Variants in METAP1D observed in about 807,000 individuals in gnomAD.
The protein encoded by METAP1D is methionine aminopeptidase 1D, mitochondrial.
METAP1D carries 31 observed loss-of-function variants against 40.5 expected under a neutral mutation model. The observed-to-expected ratio is 0.77, with a 90% CI of 0.58 to 1.03. The LOEUF (loss-of-function observed/expected upper bound fraction) is 1.03. METAP1D is among the 50% of genes least tolerant of loss of function. The pLI is 0.00. For synonymous variants in METAP1D, 151 were observed against 146.4 expected, an observed-to-expected ratio of 1.03 and a Z score of -0.22; for missense variants, 411 against 420.7, an observed-to-expected ratio of 0.98 and a Z score of 0.20.
chr2:172,080,752 A>G lies in METAP1D; in HGVS notation c.*346A>G. On this transcript the variant is annotated 3_prime_UTR_variant, in exon 10 of 10. Coordinates refer to ENST00000315796, the MANE Select transcript of METAP1D (RefSeq NM_199227.3). ...CTTGCCCTGACTGTTGGAGTAAAAA[A>G]CCTCTTAAATCCATTGTATCAGAGG... The G allele has an allele frequency of 2.4e-6, 1 of 417,448 alleles. No homozygotes were observed. Among genetic ancestry groups the G allele is most frequent in the Non-Finnish European group, 4.4e-6 (1 of 228,866 alleles). The allele number at this position is 417,448 out of a possible 1,614,324, so 25.9% of individuals were successfully genotyped here. A position where few individuals can be genotyped will look rare whatever the true frequency, so the allele number is the denominator to read the frequency against.
In METAP1D at chr2:172,061,538, C is replaced by T. The variant is rs1485795405; in HGVS notation, c.81C>T (p.Tyr27=). Residue 27 remains tyrosine, a synonymous_variant, in exon 2 of 10, where the codon TAC becomes TAT. Coordinates refer to ENST00000315796, the MANE Select transcript of METAP1D (RefSeq NM_199227.3). ...RIFSSPLNHI[Y]LHKQSSSQQR... is the part of the protein sequence containing the mutation. ...TCTCTTCACCACTCAATCATATCTACTTACACAAGCAGTCAAGCAGTCAAC... is the reference window on the plus strand; with the variant it reads ...TCTCTTCACCACTCAATCATATCTATTTACACAAGCAGTCAAGCAGTCAAC... 2 of 1,613,824 alleles carry T rather than the reference C, an allele frequency of 1.2e-6. No homozygotes were observed. The highest frequency in any genetic ancestry group is 2.2e-5 in the South Asian group (2 of 91,038).
chr2:172,006,927 T>C (rs1298774098), intron 1 of METAP1D, among the ~76,000 whole-genome samples: 1 of 152,192 alleles, frequency 6.6e-6, no homozygotes, highest in Non-Finnish European at 1.5e-5. Context: ...CTTCTTACGT[T>C]GTACATATCA....
intron 1 of METAP1D, among the ~76,000 whole-genome samples, chr2:172,052,944 A>G (rs1005695976): frequency 1.3e-5 from 2 of 152,140 alleles, no homozygotes; most frequent in African/African-American, 4.8e-5. Flanking sequence ...CAGCAAATGC[A>G]TAGGTTATTT....
rs138831237 is a variant in METAP1D, at chr2:172,021,448, G to C, written c.40+21439G>C. Among the ~76,000 whole-genome samples the C allele has an allele frequency of 1.4e-3, 208 of 152,286 alleles. 1 individual carries two copies. The highest frequency in any genetic ancestry group is 3.4e-3 in the Middle Eastern group (1 of 294). On this transcript the variant is annotated intron_variant, in intron 1 of 9. Transcript: ENST00000315796. The stretch of plus-strand genomic sequence containing the variant: ...GTCACCTGCAGAGTAAGCTAAACGA[G>C]TGATGAGCTTTGTTTTGCACAGCAG...
intron 1 of METAP1D, among the ~76,000 whole-genome samples, chr2:172,020,102 T>TC (rs1274087095): frequency 2.6e-5 from 4 of 152,188 alleles, no homozygotes; most frequent in Non-Finnish European, 5.9e-5. Context: ...TTTGCCTGCC[T>TC]CAGCCTCCCA....
At chr2:172,028,542 C>CTGTGTGTG (rs10529698) in intron 1 of METAP1D, among the ~76,000 whole-genome samples, 13 of 141,296 alleles carry the variant, frequency 9.2e-5, no homozygotes, top group East Asian at 2.0e-4. Flanking sequence ...GTATGTGTGT[C>CTGTGTGTG]TGTGTGTGTG....
At chr2:172,028,266 AAGAGCAAATGC>A (rs1316573427) in intron 1 of METAP1D, among the ~76,000 whole-genome samples, 1 of 152,146 alleles carries the variant, frequency 6.6e-6, no homozygotes, top group African/African-American at 2.4e-5. Flanking sequence ...AACTTGGTGA[AAGAGCAAATGC>A]AGAGCCCAGA....
intron 1 of METAP1D, among the ~76,000 whole-genome samples, chr2:172,000,496 T>G (rs968912887): frequency 6.6e-5 from 10 of 152,216 alleles, no homozygotes; most frequent in Admixed American, 5.2e-4. Context: ...GTCTGGGTAG[T>G]TCTAAGTAGG....
intron 1 of METAP1D, among the ~76,000 whole-genome samples, chr2:172,041,954 C>T (rs1286116310): frequency 4.1e-5 from 5 of 120,922 alleles, no homozygotes; most frequent in African/African-American, 1.4e-4. Flanking sequence ...GTGCCCACCA[C>T]TATGCCCAGC....
intron 1 of METAP1D, among the ~76,000 whole-genome samples, chr2:172,020,609 G>A (rs1421672197): frequency 6.6e-6 from 1 of 152,134 alleles, no homozygotes; most frequent in African/African-American, 2.4e-5. Flanking sequence ...CTAGTCATTG[G>A]GAGTACATCA....
intron 1 of METAP1D, among the ~76,000 whole-genome samples, chr2:172,019,267 A>G (rs1574095621): frequency 6.6e-6 from 1 of 152,094 alleles, no homozygotes; most frequent in Admixed American, 6.5e-5. Context: ...TAGGAGGATC[A>G]CTTGAGCTGC....
intron 6 of METAP1D, chr2:172,072,425 G>C (rs973045778): frequency 1.2e-5 from 2 of 167,194 alleles, no homozygotes; most frequent in Non-Finnish European, 2.9e-5. Flanking sequence ...GTGTCTAAAG[G>C]GCATGTCAGC....
intron 1 of METAP1D, among the ~76,000 whole-genome samples, chr2:172,059,819 G>A (rs934847646): frequency 6.6e-6 from 1 of 152,142 alleles, no homozygotes; most frequent in Non-Finnish European, 1.5e-5. Flanking sequence ...GGGAGACCAA[G>A]GCGGGCAGAT....
chr2:172,065,537 G>C (rs1690252604), intron 3 of METAP1D, 67 bp from the exon 4 acceptor site: 1 of 1,511,338 alleles, frequency 6.6e-7, no homozygotes, highest in African/African-American at 1.4e-5. Context: ...TGTTGCTATA[G>C]CATAGTTGAT....
intron 1 of METAP1D, among the ~76,000 whole-genome samples, chr2:172,032,586 A>C (rs1004624672): frequency 1.1e-4 from 16 of 152,238 alleles, no homozygotes; most frequent in African/African-American, 3.9e-4. Context: ...TTGATGAAAG[A>C]AAGTTTCTCT....
At chr2:172,047,418 CAG>C (rs1284983786) in intron 1 of METAP1D, among the ~76,000 whole-genome samples, 2 of 150,610 alleles carry the variant, frequency 1.3e-5, no homozygotes, top group African/African-American at 4.9e-5. Context: ...TATTTAGTAA[CAG>C]AATAAAAAAG....
rs150962723 is a variant in METAP1D, at chr2:172,063,738, A to G, written c.226A>G (p.Thr76Ala). The change falls in exon 3 of 10, where the codon ACA (threonine) becomes GCA (alanine). Residue 76 changes from threonine (T) to alanine (A), a missense_variant. By Grantham distance (58) the Thr-to-Ala change is moderately conservative (BLOSUM62 0). Transcript: ENST00000315796. ...CATAAAGAAGCCAGACTATGTGACG[A>G]CAGGCATTGTACCAGACTGGGGAGA... is the stretch of plus-strand genomic sequence containing the variant. The part of the protein sequence containing the change: ...KHIKKPDYVT[T>A]GIVPDWGDSI... 1 of 1,614,028 alleles carries G rather than the reference A, an allele frequency of 6.2e-7. No homozygotes were observed. The highest frequency in any genetic ancestry group is 8.5e-7 in the Non-Finnish European group (1 of 1,179,932).
At chr2:172,026,185 G>A (rs1319927868) in intron 1 of METAP1D, among the ~76,000 whole-genome samples, 1 of 151,970 alleles carries the variant, frequency 6.6e-6, no homozygotes, top group Non-Finnish European at 1.5e-5. Flanking sequence ...TCCCCTTGTG[G>A]TTTATTTGTT....
At chr2:172,047,424 A>T (rs1352058199) in intron 1 of METAP1D, among the ~76,000 whole-genome samples, 1 of 148,606 alleles carries the variant, frequency 6.7e-6, no homozygotes, top group Non-Finnish European at 1.5e-5. Context: ...GTAACAGAAT[A>T]AAAAAGGCTG....
Sources: allele counts gnomAD v4.1 joint callset (sites outside exome capture counted in the v4.1 genomes callset), GRCh38; gene constraint gnomAD v4.1.1; transcripts MANE v1.5; gene names NCBI Gene and HGNC (gene_info 2026-07-23, HGNC 2026-07-21).